The following PACRG variants were observed in gnomAD, a reference collection of about 807,000 sequenced individuals.
PACRG encodes the protein parkin coregulated.
A neutral mutation model predicts 29.7 loss-of-function variants in PACRG; 29 were observed. That is an observed-to-expected ratio of 0.98 (90% CI 0.73 to 1.33). The LOEUF is 1.33. PACRG is among the 40% of genes most tolerant of loss of function. PACRG has a pLI of 0.00. For missense variants in PACRG, 279 were observed against 316.2 expected (o/e 0.88, Z 0.89); for synonymous variants, 116 against 118.7 (o/e 0.98, Z 0.15).
chr6:163,007,917 G>A (rs1195086406), intron 2 of PACRG, among the ~76,000 whole-genome samples: 1 of 152,084 alleles, frequency 6.6e-6, no homozygotes, highest in Non-Finnish European at 1.5e-5. Context: ...TCCTCACAGT[G>A]TGACCTCAGC....
At chr6:163,264,347 C>T (rs1433660981) in intron 4 of PACRG, among the ~76,000 whole-genome samples, 3 of 152,228 alleles carry the variant, frequency 2.0e-5, no homozygotes, top group Admixed American at 6.5e-5. Flanking sequence ...ACCAGCCTCC[C>T]GAGCTCCATC....
intron 2 of PACRG, among the ~76,000 whole-genome samples, chr6:163,018,497 A>G (rs1331189750): frequency 6.6e-6 from 1 of 152,202 alleles, no homozygotes; most frequent in African/African-American, 2.4e-5. Flanking sequence ...CATATTGGAA[A>G]GTTATTATGG....
At chr6:163,189,735 A>G (rs1458091440) in intron 4 of PACRG, 1 of 152,252 alleles carries the variant, frequency 6.6e-6, no homozygotes, top group Non-Finnish European at 1.5e-5. Context: ...GTGTACTTAA[A>G]TGCAGCCATC....
chr6:163,247,826 C>T (rs1043784922), intron 4 of PACRG, among the ~76,000 whole-genome samples: 9 of 152,178 alleles, frequency 5.9e-5, no homozygotes, highest in African/African-American at 2.2e-4. Context: ...CCGTTAAAAG[C>T]ACCTACCCCC....
intron 4 of PACRG, among the ~76,000 whole-genome samples, chr6:163,181,793 A>G (rs1042112114): frequency 6.6e-6 from 1 of 152,102 alleles, no homozygotes. Flanking sequence ...AAAGTCCAGC[A>G]TACCGTAAAA....
intron 4 of PACRG, among the ~76,000 whole-genome samples, chr6:163,313,090 A>G (rs1225388400): frequency 6.7e-6 from 1 of 148,540 alleles, no homozygotes. Flanking sequence ...CCTCTCTCTC[A>G]TTCGTGTGTG....
chr6:163,005,399 G>A (rs1397445975), intron 2 of PACRG, among the ~76,000 whole-genome samples: 1 of 151,842 alleles, frequency 6.6e-6, no homozygotes, highest in Non-Finnish European at 1.5e-5. Context: ...TGAGGTCATT[G>A]ACTTCAGACC....
chr6:163,095,395 G>A lies in PACRG; in HGVS notation c.613+5987G>A, dbSNP rs1009662084. ...TTCTGAGTTGTCTGTAACCTGGTAG[G>A]GCGATGTCTAAAGAAATCAGAATCC... On this transcript the variant is annotated intron_variant, in intron 4 of 4. Transcript: ENST00000366888. 3 of 985,296 alleles carry A rather than the reference G, an allele frequency of 3.0e-6. No homozygotes were observed. The Admixed American group carries it at 1.8e-4, about 61-fold the overall frequency. 61.0% of individuals were successfully genotyped at this position (985,296 alleles called of 1,614,324 possible).
intron 2 of PACRG, among the ~76,000 whole-genome samples, chr6:162,965,833 C>A (rs1351831311): frequency 1.3e-5 from 2 of 152,226 alleles, no homozygotes. Flanking sequence ...CTGACCTCTT[C>A]TTCTCATTGT....
intron 2 of PACRG, among the ~76,000 whole-genome samples, chr6:162,900,200 A>C (rs13211224): frequency 6.6e-6 from 1 of 152,118 alleles, no homozygotes; most frequent in African/African-American, 2.4e-5. Flanking sequence ...CAACACGCAC[A>C]TATGCACTCA....
At chr6:162,852,665 A>T (rs1158015918) in intron 2 of PACRG, among the ~76,000 whole-genome samples, 1 of 152,208 alleles carries the variant, frequency 6.6e-6, no homozygotes, top group Non-Finnish European at 1.5e-5. Context: ...TTATTGTTAG[A>T]TAAAATGAGG....
chr6:163,258,524 G>A (rs868286662), intron 4 of PACRG, among the ~76,000 whole-genome samples: 2 of 152,250 alleles, frequency 1.3e-5, no homozygotes, highest in East Asian at 1.9e-4. Flanking sequence ...TTGGGAGGCC[G>A]AGACGAGCAG....
chr6:162,820,601 C>T (rs775663413), intron 2 of PACRG, among the ~76,000 whole-genome samples: 2 of 151,928 alleles, frequency 1.3e-5, no homozygotes, highest in Non-Finnish European at 2.9e-5. Flanking sequence ...ATAATTTAGT[C>T]CCTTGGTACC....
chr6:163,138,925 T>C (rs535717153), intron 4 of PACRG, among the ~76,000 whole-genome samples: 1 of 152,356 alleles, frequency 6.6e-6, no homozygotes, highest in South Asian at 2.1e-4. Flanking sequence ...ATACATCATT[T>C]CTAGACTAGT....
chr6:162,931,935 G>A (rs1376143184), intron 2 of PACRG, among the ~76,000 whole-genome samples: 1 of 151,984 alleles, frequency 6.6e-6, no homozygotes, highest in Non-Finnish European at 1.5e-5. Context: ...GAAAATGTAT[G>A]TTCATACAAT....
At chr6:163,016,983 T>G (rs1806169225) in intron 2 of PACRG, among the ~76,000 whole-genome samples, 1 of 152,078 alleles carries the variant, frequency 6.6e-6, no homozygotes, top group Non-Finnish European at 1.5e-5. Context: ...ATATACAAAA[T>G]TAAAATCAGA....
intron 4 of PACRG, among the ~76,000 whole-genome samples, chr6:163,223,514 G>A (rs1781668019): frequency 6.6e-6 from 1 of 152,180 alleles, no homozygotes; most frequent in Non-Finnish European, 1.5e-5. Flanking sequence ...ACACACAATG[G>A]GAAAGCAGAA....
At chr6:163,151,727 C>T (rs150736424) in intron 4 of PACRG, among the ~76,000 whole-genome samples, 300 of 152,204 alleles carry the variant, frequency 2.0e-3, no homozygotes, top group African/African-American at 6.9e-3. Flanking sequence ...TGAGTTTACC[C>T]GCTAAAAAGT....
intron 2 of PACRG, among the ~76,000 whole-genome samples, chr6:163,043,551 A>T (rs1437716908): frequency 6.9e-6 from 1 of 145,312 alleles, no homozygotes; most frequent in Non-Finnish European, 1.5e-5. Context: ...GACTCCGTCT[A>T]AAAAAAAAAA....
Sources: gnomAD v4.1 joint callset for allele counts (sites outside exome capture counted in the v4.1 genomes callset) on GRCh38, gnomAD v4.1.1 for gene constraint, MANE v1.5 for transcripts, NCBI Gene and HGNC (gene_info 2026-07-23, HGNC 2026-07-21) for gene names.